INPP4A: variants seen among roughly 807,000 people sequenced by gnomAD.
INPP4A encodes inositol polyphosphate-4-phosphatase, type I, 107kD.
Under a neutral mutation model 119.8 loss-of-function variants are expected in INPP4A, and 33 were observed. The observed-to-expected ratio is 0.28, with a 90% CI of 0.21 to 0.37. The LOEUF is 0.37. INPP4A is among the 10% of genes least tolerant of loss of function. The pLI is 1.00. For missense variants in INPP4A, 956 were observed against 1,289.9 expected, an observed-to-expected ratio of 0.74 and a Z score of 3.97; for synonymous variants, 496 against 500.7, an observed-to-expected ratio of 0.99 and a Z score of 0.12.
At chr2:98,488,812 T>C (rs1403138912) in intron 1 of INPP4A, among the ~76,000 whole-genome samples, 1 of 152,256 alleles carries the variant, frequency 6.6e-6, no homozygotes, top group South Asian at 2.1e-4. Context: ...GGGTTGGTAC[T>C]GGTTCCTGCG....
chr2:98,515,832 C>G (rs1424237773), intron 1 of INPP4A, among the ~76,000 whole-genome samples: 3 of 152,306 alleles, frequency 2.0e-5, no homozygotes, highest in Non-Finnish European at 2.9e-5. Flanking sequence ...CCTGCCAGTG[C>G]CCTCTCCACC....
chr2:98,470,200 G>A (rs1468375239), intron 1 of INPP4A, among the ~76,000 whole-genome samples: 2 of 152,202 alleles, frequency 1.3e-5, no homozygotes, highest in Non-Finnish European at 2.9e-5. Context: ...TGAGCCATTG[G>A]GAGTGCTTGG....
intron 11 of INPP4A, among the ~76,000 whole-genome samples, chr2:98,544,414 C>T (rs751397651): frequency 1.3e-5 from 2 of 152,170 alleles, no homozygotes; most frequent in Non-Finnish European, 2.9e-5. Flanking sequence ...CGCCTTGAAA[C>T]AAAGCAGTTT....
chr2:98,485,791 T>A (rs1679420989), intron 1 of INPP4A, among the ~76,000 whole-genome samples: 1 of 152,246 alleles, frequency 6.6e-6, no homozygotes, highest in African/African-American at 2.4e-5. Flanking sequence ...TTGAGGTGAA[T>A]CTGTGACTGA....
intron 4 of INPP4A, among the ~76,000 whole-genome samples, chr2:98,527,595 G>A (rs1688415272): frequency 6.6e-6 from 1 of 152,176 alleles, no homozygotes. Flanking sequence ...ACGTGAAAAG[G>A]CCCTAAACAA....
intron 24 of INPP4A, 25 bp from the exon 25 acceptor site, chr2:98,587,450 AT>A (rs749599135): frequency 6.6e-5 from 103 of 1,551,216 alleles, no homozygotes; most frequent in Middle Eastern, 5.1e-4. Flanking sequence ...TACTGCCGTC[AT>A]TTCTTGTGCT....
chr2:98,516,937 AC>A (rs1291735475), intron 1 of INPP4A, among the ~76,000 whole-genome samples: 2 of 151,096 alleles, frequency 1.3e-5, no homozygotes, highest in African/African-American at 4.9e-5. Flanking sequence ...TGCAGAACTC[AC>A]GTAAGTTTTT....
At position 98,546,077 on chromosome 2, in the gene INPP4A, C is replaced by T; in HGVS notation, c.1054+4C>T. ...GTTCAAGACGATGGAGGATCAGGTACCTATTTTTCTGCTCCCTCTTGTTGA... is the reference window on the plus strand; with the variant it reads ...GTTCAAGACGATGGAGGATCAGGTATCTATTTTTCTGCTCCCTCTTGTTGA... On this transcript the variant is annotated splice_donor_region_variant and intron_variant, in intron 12 of 24. Coordinates refer to ENST00000409851, the MANE Select transcript of INPP4A (RefSeq NM_001134225.2). This position sits in a 1 kb window ranked among gnomAD's most constrained non-coding sequence, Gnocchi z 4.2. 1.3e-6 allele frequency: 2 copies of T among 1,555,460 alleles called. No individual in the cohort carries two copies. The highest frequency in any genetic ancestry group is 1.7e-6 in the Non-Finnish European group (2 of 1,144,332).
At chr2:98,539,093 G>A in intron 9 of INPP4A, 112 bp downstream of exon 9, 1 of 600,030 alleles carries the variant, frequency 1.7e-6, no homozygotes, top group Non-Finnish European at 3.0e-6. Context: ...CACCCTAATT[G>A]TCACCTCTCT....
rs1384216442 is a variant in INPP4A, at chr2:98,535,854, A to G, written c.387+9A>G. 6 of 1,334,574 alleles carry G rather than the reference A, an allele frequency of 4.5e-6. No homozygotes were observed. In the Admixed American group the frequency reaches 1.1e-4, roughly 25 times the overall value. 82.7% of individuals were successfully genotyped at this position (1,334,574 alleles called of 1,614,324 possible). ...ATAGATCTCAGGGAACAGTTAAGTA[A>G]TGTGTTGTAGTTCGTGGGATTTTCT... On this transcript the variant is annotated intron_variant, in intron 6 of 24. Transcript: ENST00000409851.
intron 1 of INPP4A, among the ~76,000 whole-genome samples, chr2:98,456,522 A>G (rs1317984368): frequency 6.6e-6 from 1 of 151,862 alleles, no homozygotes; most frequent in African/African-American, 2.4e-5. Context: ...AATTTTTTCT[A>G]GAGACTGGGT....
chr2:98,553,076 T>C, intron 14 of INPP4A, 107 bp downstream of exon 14: 1 of 872,806 alleles, frequency 1.1e-6, no homozygotes, highest in Non-Finnish European at 1.8e-6. Flanking sequence ...AGCGTGACAT[T>C]GGGATGACTT....
At chr2:98,488,935 CTGTGTGTGTGTGTGTGTGTGTG>C (rs55758146) in intron 1 of INPP4A, among the ~76,000 whole-genome samples, 17 of 126,122 alleles carry the variant, frequency 1.3e-4, no homozygotes, top group Admixed American at 1.2e-3. Flanking sequence ...AGTACATGCA[CTGTGTGTGTGTGTGTGTGTGTG>C]TGTGTGTGTG....
At chr2:98,560,453 C>G (rs1181118502) in intron 17 of INPP4A, among the ~76,000 whole-genome samples, 1 of 152,170 alleles carries the variant, frequency 6.6e-6, no homozygotes. Context: ...GCAGCAACCC[C>G]AGGACGCTCT....
At chr2:98,447,892 A>G (rs552276268) in intron 1 of INPP4A, among the ~76,000 whole-genome samples, 2 of 152,110 alleles carry the variant, frequency 1.3e-5, no homozygotes, top group African/African-American at 4.8e-5. Context: ...CTAAAAATAC[A>G]AAAAATTAGC....
upstream of INPP4A, chr2:98,444,774 G>C: frequency 6.6e-6 from 1 of 152,474 alleles, no homozygotes; most frequent in Middle Eastern, 3.4e-3. Flanking sequence ...GGCTGGTAGT[G>C]GGGCGGGGGT....
chr2:98,545,392 G>A (rs553648147), intron 11 of INPP4A, among the ~76,000 whole-genome samples: 16 of 152,282 alleles, frequency 1.1e-4, no homozygotes, highest in African/African-American at 1.2e-4. Flanking sequence ...CCAACCAGGC[G>A]TAAACAGGGA....
chr2:98,530,257 A>G (rs1005495436), intron 4 of INPP4A, among the ~76,000 whole-genome samples: 1 of 152,160 alleles, frequency 6.6e-6, no homozygotes, highest in African/African-American at 2.4e-5. Flanking sequence ...TGATAGGACA[A>G]TAAAGAATCT....
intron 16 of INPP4A, among the ~76,000 whole-genome samples, chr2:98,559,188 G>A (rs377676966): frequency 1.1e-4 from 17 of 152,296 alleles, no homozygotes; most frequent in South Asian, 1.0e-3. Context: ...CGCACATCCC[G>A]AAGAGCATTT....
Sources: allele counts gnomAD v4.1 joint callset (sites outside exome capture counted in the v4.1 genomes callset), GRCh38; gene constraint gnomAD v4.1.1; non-coding constraint Gnocchi (gnomAD v3.1); transcripts MANE v1.5; gene names NCBI Gene and HGNC (gene_info 2026-07-23, HGNC 2026-07-21).